Variants in DDR2 observed in about 807,000 individuals in gnomAD.
The protein encoded by DDR2 is discoidin domain-containing receptor 2.
A neutral mutation model predicts 94.9 loss-of-function variants in DDR2; 27 were observed. The ratio of observed to expected loss-of-function variants is 0.28; its 90% CI spans 0.21 to 0.39. DDR2 has a LOEUF of 0.39. Ranked by LOEUF, DDR2 falls within the 10% of genes least tolerant of loss-of-function variation. DDR2 has a pLI of 1.00. For synonymous variants in DDR2, 382 were observed against 377.2 expected, an observed-to-expected ratio of 1.01 and a Z score of -0.15; for missense variants, 783 against 1,076.0, an observed-to-expected ratio of 0.73 and a Z score of 3.81.
At chr1:162,668,914 G>A (rs566060253) in intron 2 of DDR2, among the ~76,000 whole-genome samples, 16 of 152,304 alleles carry the variant, frequency 1.1e-4, no homozygotes, top group African/African-American at 3.9e-4. Context: ...TAAATAGGTA[G>A]GGATGTGGAG....
At chr1:162,747,184 AG>A (rs1489506689) in intron 3 of DDR2, among the ~76,000 whole-genome samples, 1 of 152,244 alleles carries the variant, frequency 6.6e-6, no homozygotes, top group Non-Finnish European at 1.5e-5. Flanking sequence ...AGATGACAGA[AG>A]TAGGCTTAAA....
chr1:162,711,649 A>G (rs566807212), intron 2 of DDR2, among the ~76,000 whole-genome samples: 2 of 152,196 alleles, frequency 1.3e-5, no homozygotes, highest in Non-Finnish European at 2.9e-5. Context: ...TGCTCTTCTT[A>G]CTTTCCATAT....
chr1:162,770,707 T>C (rs764405997), intron 12 of DDR2, 195 bp downstream of exon 12: 7 of 721,712 alleles, frequency 9.7e-6, no homozygotes, highest in South Asian at 7.5e-5. Flanking sequence ...TGCTACTGAA[T>C]ATAAGATGTG....
chr1:162,773,670 G>C (rs1245231116), intron 14 of DDR2, 74 bp downstream of exon 14: 14 of 1,599,304 alleles, frequency 8.8e-6, no homozygotes, highest in Non-Finnish European at 1.2e-5. Flanking sequence ...GGATACTTCT[G>C]AGCAATTTTT....
intron 3 of DDR2, among the ~76,000 whole-genome samples, chr1:162,732,825 A>G (rs759285529): frequency 2.0e-5 from 3 of 152,240 alleles, no homozygotes; most frequent in Non-Finnish European, 4.4e-5. Flanking sequence ...GGTAAACATT[A>G]TGGAACAAGC....
chr1:162,773,214 C>G (rs550854632), intron 13 of DDR2, among the ~76,000 whole-genome samples: 16 of 152,278 alleles, frequency 1.1e-4, no homozygotes, highest in African/African-American at 1.4e-4. Context: ...GTTATTGATT[C>G]ATTCATTCAC....
chr1:162,708,245 G>A (rs768328647), intron 2 of DDR2, among the ~76,000 whole-genome samples: 1 of 152,202 alleles, frequency 6.6e-6, no homozygotes, highest in Non-Finnish European at 1.5e-5. Context: ...TCTCCTGCAG[G>A]GATCAGGAAG....
chr1:162,715,060 G>A (rs547361918), intron 2 of DDR2, among the ~76,000 whole-genome samples: 6 of 152,248 alleles, frequency 3.9e-5, no homozygotes, highest in South Asian at 2.1e-4. Context: ...AGACTCATTC[G>A]AAGGTGCAGA....
intron 2 of DDR2, among the ~76,000 whole-genome samples, chr1:162,706,393 C>T (rs548515810): frequency 1.3e-5 from 2 of 152,314 alleles, no homozygotes; most frequent in East Asian, 3.9e-4. Context: ...TTCATATCCT[C>T]AAAGCATCGT....
At chr1:162,725,936 A>G (rs1661643086) in intron 3 of DDR2, among the ~76,000 whole-genome samples, 1 of 152,272 alleles carries the variant, frequency 6.6e-6, no homozygotes. Context: ...ACAAATGAGG[A>G]AACTGAGGTT....
intron 2 of DDR2, among the ~76,000 whole-genome samples, chr1:162,669,886 G>T (rs1230639234): frequency 9.9e-5 from 15 of 152,182 alleles, no homozygotes; most frequent in Non-Finnish European, 1.5e-5. Flanking sequence ...GTGCATTAAT[G>T]TTAACAGAGA....
intron 2 of DDR2, among the ~76,000 whole-genome samples, chr1:162,706,874 A>T (rs1324919003): frequency 6.6e-6 from 1 of 152,138 alleles, no homozygotes; most frequent in Non-Finnish European, 1.5e-5. Context: ...CACAGAAGAG[A>T]ATGTCCGGCC....
chr1:162,672,154 A>T (rs759099446), intron 2 of DDR2, among the ~76,000 whole-genome samples: 17 of 152,254 alleles, frequency 1.1e-4, no homozygotes, highest in Non-Finnish European at 2.2e-4. Context: ...CTTGTGTTCT[A>T]AACCTGGCTC....
chr1:162,737,996 T>G (rs1358480955), intron 3 of DDR2, among the ~76,000 whole-genome samples: 4 of 152,016 alleles, frequency 2.6e-5, no homozygotes, highest in Non-Finnish European at 4.4e-5. Context: ...CCACAGCCAA[T>G]ATCATACTGA....
intron 2 of DDR2, among the ~76,000 whole-genome samples, chr1:162,670,044 T>C (rs6665609): frequency 0.048 from 7,242 of 152,334 alleles, 605 homozygotes; most frequent in African/African-American, 0.17. Context: ...TTCTAAAGGT[T>C]AAAAAGGTTT....
Position 162,772,052 on chromosome 1 carries a change from G to A in DDR2, c.1533G>A (p.Gln511=), listed in dbSNP as rs941417125. ...SGCSGVVKPV[Q]PSGPEGVPHY... is the part of the protein sequence containing the mutation. ...GCAGCGGTGTTGTGAAGCCAGTCCAGCCCAGTGGCCCTGAGGGGGTGCCCC... is the reference window on the plus strand; with the variant it reads ...GCAGCGGTGTTGTGAAGCCAGTCCAACCCAGTGGCCCTGAGGGGGTGCCCC... The change falls in exon 13 of 18, where the codon CAG becomes CAA. Residue 511 remains glutamine, a synonymous_variant. Coordinates refer to ENST00000367921, the MANE Select transcript of DDR2 (RefSeq NM_006182.4). 1.9e-6 allele frequency: 3 copies of A among 1,611,784 alleles called. No individual in the cohort carries two copies. The highest frequency in any genetic ancestry group is 2.5e-6 in the Non-Finnish European group (3 of 1,179,190).
intron 1 of DDR2, among the ~76,000 whole-genome samples, chr1:162,643,226 G>A (rs186327053): frequency 2.6e-4 from 40 of 152,162 alleles, no homozygotes; most frequent in Non-Finnish European, 4.4e-4. Flanking sequence ...GAAAAATTGA[G>A]CTACACTGTG....
At chr1:162,767,437 G>C in intron 11 of DDR2, 78 bp downstream of exon 11, 1 of 1,576,470 alleles carries the variant, frequency 6.3e-7, no homozygotes, top group Non-Finnish European at 8.6e-7. Flanking sequence ...AGGAGTAAAA[G>C]GCAAATTGCA....
intron 2 of DDR2, among the ~76,000 whole-genome samples, chr1:162,681,101 G>T (rs1353584707): frequency 6.6e-6 from 1 of 152,120 alleles, no homozygotes; most frequent in Non-Finnish European, 1.5e-5. Context: ...CCCTTTTGCT[G>T]GATGACCTTG....
Sources: gnomAD v4.1 joint callset for allele counts (sites outside exome capture counted in the v4.1 genomes callset) on GRCh38, gnomAD v4.1.1 for gene constraint, MANE v1.5 for transcripts, NCBI Gene and HGNC (gene_info 2026-07-23, HGNC 2026-07-21) for gene names.